Variants in NPAS4 observed in about 807,000 individuals in gnomAD.
The protein encoded by NPAS4 is neuronal PAS domain-containing protein 4.
In NPAS4, 10 loss-of-function variants were observed where a neutral mutation model predicts 64.0. The ratio of observed to expected loss-of-function variants is 0.16; its 90% confidence interval spans 0.10 to 0.26. NPAS4 has a LOEUF of 0.26. Among genes scored for constraint, NPAS4 ranks in the 10% least tolerant of loss-of-function variants. The probability of loss-of-function intolerance (pLI) is 1.00; values close to 1 mark genes in which losing one functional copy is unlikely to be tolerated. For synonymous variants in NPAS4, 441 were observed against 411.7 expected (o/e 1.07, Z -0.86); for missense variants, 886 against 992.6 (o/e 0.89, Z 1.44).
upstream of NPAS4, among the ~76,000 whole-genome samples, chr11:66,419,713 G>A (rs1856709914): frequency 6.6e-6 from 1 of 152,146 alleles, no homozygotes; most frequent in African/African-American, 2.4e-5. Context: ...GGTGGGGATA[G>A]GGCAAAGGTG....
At chr11:66,412,032 TG>T in the NPAS4 span, among the ~76,000 whole-genome samples, 1 of 152,310 alleles carries the variant, frequency 6.6e-6, no homozygotes, top group South Asian at 2.1e-4. Flanking sequence ...TTACGAGCTG[TG>T]CCCTGATAGT....
intron 4 of NPAS4, 75 bp downstream of exon 4, chr11:66,423,016 G>A: frequency 5.8e-6 from 9 of 1,552,490 alleles, no homozygotes; most frequent in Non-Finnish European, 7.9e-6. Context: ...GGAGTCAGGG[G>A]CAGGGAGGAT....
chr11:66,421,555 G>A (rs142322358), intron 1 of NPAS4, among the ~76,000 whole-genome samples: 280 of 152,366 alleles, frequency 1.8e-3, no homozygotes, highest in Non-Finnish European at 3.1e-3. Context: ...GAGAGTTAGA[G>A]AGCCTGGACG....
chr11:66,422,970 G>C (rs1856772008), intron 4 of NPAS4, 29 bp downstream of exon 4: 2 of 1,596,944 alleles, frequency 1.3e-6, no homozygotes, highest in Non-Finnish European at 1.7e-6. Flanking sequence ...GATTCCAAGA[G>C]AAAGGCAGGC....
chr11:66,421,863 T>A (rs899238794), intron 1 of NPAS4, among the ~76,000 whole-genome samples: 3 of 152,156 alleles, frequency 2.0e-5, no homozygotes, highest in African/African-American at 7.2e-5. Flanking sequence ...CAGAGCCGCT[T>A]TGGAGCTCTG....
the NPAS4 span, among the ~76,000 whole-genome samples, chr11:66,412,391 G>C: frequency 6.6e-6 from 1 of 152,222 alleles, no homozygotes; most frequent in East Asian, 1.9e-4. Context: ...CCAGGCTGCA[G>C]CCTTAGCCTG....
At chr11:66,412,721 T>G in the NPAS4 span, among the ~76,000 whole-genome samples, 2 of 152,150 alleles carry the variant, frequency 1.3e-5, no homozygotes, top group Non-Finnish European at 2.9e-5. Context: ...AACAAATCGG[T>G]AAACTGAGGC....
intron 1 of NPAS4, 28 bp from the exon 2 acceptor site, chr11:66,422,092 T>C: frequency 6.2e-7 from 1 of 1,608,400 alleles, no homozygotes; most frequent in Non-Finnish European, 8.5e-7. Flanking sequence ...GTCTTACTCC[T>C]GACGCACTAC....
rs779024660 is a variant in NPAS4, at chr11:66,424,084, C to A, written c.1194C>A (p.Asp398Glu). The A allele has an allele frequency of 1.9e-6, 3 of 1,614,018 alleles. No homozygotes were observed. The highest frequency in any genetic ancestry group is 2.2e-5 in the South Asian group (2 of 91,094). ...EELPRPSKEL[D>E]FSYLTFPSGP... ...TTCCCCGACCCTCCAAAGAACTGGA[C>A]TTCAGTTACCTGACATTCCCTTCTG... Residue 398 changes from aspartate to glutamate, a missense_variant, in exon 7 of 8, where the codon GAC (aspartate) becomes GAA (glutamate). Transcript: ENST00000311034.
In NPAS4 at chr11:66,421,771, C is replaced by T. The variant is rs765787817; in HGVS notation, c.176-349C>T. On this transcript the variant is annotated intron_variant, in intron 1 of 7. Coordinates refer to ENST00000311034, the MANE Select transcript of NPAS4 (RefSeq NM_178864.4). ...TTCGGGGCGCTGCCCATGGTGCTGA[C>T]GGCTGCGCCGGCCGTGTATGGCTCT... 6.8e-4 allele frequency among the ~76,000 whole-genome samples: 104 copies of T among 152,218 alleles called. 1 individual carries two copies. Among genetic ancestry groups the T allele is most frequent in the Admixed American group, 2.3e-3 (35 of 15,286 alleles).
chr11:66,413,346 T>C, the NPAS4 span, among the ~76,000 whole-genome samples: 1 of 152,220 alleles, frequency 6.6e-6, no homozygotes, highest in African/African-American at 2.4e-5. Flanking sequence ...GGCCAGGGAC[T>C]GGAAGAAGGC....
At position 66,422,498 on chromosome 11, in the gene NPAS4, A is replaced by T. The variant is rs370764299; in HGVS notation, c.375A>T (p.Pro125=). 152 of 1,613,882 alleles carry T rather than the reference A, an allele frequency of 9.4e-5. No homozygotes were observed. Among genetic ancestry groups the T allele is most frequent in the Non-Finnish European group, 1.3e-4 (149 of 1,179,980 alleles). Reference sequence around the variant, plus strand: ...ACAGCATCTACGACATCATTGACCCAGCTGACCACCTCACTGTGCGCCAGC... The same window carrying T: ...ACAGCATCTACGACATCATTGACCCTGCTGACCACCTCACTGTGCGCCAGC... ...QGDSIYDIID[P]ADHLTVRQQL... is the part of the protein sequence containing the mutation. Residue 125 remains proline, a synonymous_variant, in exon 3 of 8, where the codon CCA becomes CCT. Coordinates refer to ENST00000311034, the MANE Select transcript of NPAS4 (RefSeq NM_178864.4).
chr11:66,420,369 C>T (rs2134639432), upstream of NPAS4, among the ~76,000 whole-genome samples: 1 of 152,356 alleles, frequency 6.6e-6, no homozygotes, highest in Admixed American at 6.5e-5. Context: ...ATCCTCGGGA[C>T]TTAGACCCCC....
rs771292139 is a variant in NPAS4, at chr11:66,424,366, C to T, written c.1476C>T (p.Thr492=). The change falls in exon 7 of 8, where the codon ACC becomes ACT. Residue 492 remains threonine (T), a synonymous_variant. Coordinates refer to ENST00000311034, the MANE Select transcript of NPAS4 (RefSeq NM_178864.4). Reference sequence around the variant, plus strand: ...CACTGCAAGGCCAGTTGACTGAAACCTCGGTCAGAAGCTATGAAGACCAGT... The same window carrying T: ...CACTGCAAGGCCAGTTGACTGAAACTTCGGTCAGAAGCTATGAAGACCAGT... The part of the protein sequence containing the change: ...TSPLQGQLTE[T]SVRSYEDQLT... The T allele has an allele frequency of 3.1e-6, 5 of 1,614,084 alleles. No individual in the cohort carries two copies. In the South Asian group the frequency reaches 4.4e-5, roughly 14 times the overall value.
intron 7 of NPAS4, 65 bp from the exon 8 acceptor site, chr11:66,425,896 A>C: frequency 8.2e-7 from 1 of 1,212,666 alleles, no homozygotes; most frequent in Non-Finnish European, 1.2e-6. Flanking sequence ...ACACATTCTC[A>C]GCCCCAGGAT....
chr11:66,412,707 A>T, the NPAS4 span, among the ~76,000 whole-genome samples: 2 of 152,162 alleles, frequency 1.3e-5, no homozygotes, highest in Non-Finnish European at 2.9e-5. Context: ...CCACTTCTGT[A>T]TTTAACAAAT....
chr11:66,417,380 C>T (rs1856683312), upstream of NPAS4, among the ~76,000 whole-genome samples: 1 of 152,054 alleles, frequency 6.6e-6, no homozygotes, highest in African/African-American at 2.4e-5. Flanking sequence ...CTTCTCTCAG[C>T]TCTCCAAATA....
the NPAS4 span, among the ~76,000 whole-genome samples, chr11:66,413,919 T>G: frequency 1.3e-5 from 2 of 152,140 alleles, no homozygotes; most frequent in Non-Finnish European, 2.9e-5. Flanking sequence ...CAGCTGTCTG[T>G]GGGCACCATC....
Position 66,421,073 on chromosome 11 carries a change from C to T in NPAS4, c.-107C>T, listed in dbSNP as rs531381389. 2.4e-4 allele frequency: 238 copies of T among 974,664 alleles called. No individual in the cohort carries two copies. Among genetic ancestry groups the T allele is most frequent in the Admixed American group, 9.3e-4 (38 of 40,966 alleles). 60.4% of individuals were successfully genotyped at this position (974,664 alleles called of 1,614,324 possible). ...GAGCGGAGCCCAGGAGAGCAGAGAGCGAGCCTGAGCGAGAGACGGGGAAGC... is the reference window on the plus strand; with the variant it reads ...GAGCGGAGCCCAGGAGAGCAGAGAGTGAGCCTGAGCGAGAGACGGGGAAGC... On this transcript the variant is annotated 5_prime_UTR_variant, in exon 1 of 8. Coordinates refer to ENST00000311034, the MANE Select transcript of NPAS4 (RefSeq NM_178864.4).
Sources: gnomAD v4.1 joint callset for allele counts (sites outside exome capture counted in the v4.1 genomes callset) on GRCh38, gnomAD v4.1.1 for gene constraint, MANE v1.5 for transcripts, NCBI Gene and HGNC (gene_info 2026-07-23, HGNC 2026-07-21) for gene names.